SYNE3: variants seen among roughly 807,000 people sequenced by gnomAD.
SYNE3 encodes spectrin repeat containing nuclear envelope family member 3.
SYNE3 carries 100 observed loss-of-function variants against 111.2 expected under a neutral mutation model. The ratio of observed to expected loss-of-function variants is 0.90; its 90% CI spans 0.77 to 1.06. The LOEUF is 1.06. Ranked by LOEUF, SYNE3 falls within the 50% of genes least tolerant of loss-of-function variation. SYNE3 has a pLI of 0.00. For synonymous variants in SYNE3, 547 were observed against 533.9 expected, an observed-to-expected ratio of 1.02 and a Z score of -0.34; for missense variants, 1,160 against 1,240.3, an observed-to-expected ratio of 0.94 and a Z score of 0.97.
In SYNE3 at chr14:95,417,502, G is replaced by A; in HGVS notation, c.*324C>T. On this transcript the variant is annotated 3_prime_UTR_variant, in exon 18 of 18. Transcript: ENST00000682763. ...TCAACAATACCACAAAATCCCATTG[G>A]AGGGAGCCATTGCTAGGAATTTTCC... 1 of 364,476 alleles carries A rather than the reference G, an allele frequency of 2.7e-6. No individual in the cohort carries two copies. Among genetic ancestry groups the A allele is most frequent in the East Asian group, 5.5e-5 (1 of 18,130 alleles). The allele number at this position is 364,476 out of a possible 1,614,324, so 22.6% of individuals were successfully genotyped here. A position where few individuals can be genotyped will look rare whatever the true frequency, so the allele number is the denominator to read the frequency against.
intron 14 of SYNE3, among the ~76,000 whole-genome samples, chr14:95,437,288 G>A (rs945767005): frequency 6.6e-6 from 1 of 152,178 alleles, no homozygotes; most frequent in Non-Finnish European, 1.5e-5. Context: ...CTCCATGACC[G>A]GAGTGCTCTG....
chr14:95,464,288 C>A (rs377614264), intron 4 of SYNE3, among the ~76,000 whole-genome samples: 7 of 152,108 alleles, frequency 4.6e-5, no homozygotes, highest in African/African-American at 1.7e-4. Flanking sequence ...GGGAAACCAC[C>A]CTGTTAAGCT....
chr14:95,424,832 C>T (rs982185253), intron 17 of SYNE3, among the ~76,000 whole-genome samples: 20 of 152,064 alleles, frequency 1.3e-4, no homozygotes, highest in Admixed American at 1.3e-3. Flanking sequence ...AGAGATGTGG[C>T]AATAAATGCA....
chr14:95,431,516 C>T (rs1053255011), intron 17 of SYNE3, among the ~76,000 whole-genome samples: 1 of 152,160 alleles, frequency 6.6e-6, no homozygotes, highest in East Asian at 1.9e-4. Context: ...TCATTGTTGT[C>T]GTTATTACTG....
chr14:95,432,579 G>A (rs1885841241), intron 16 of SYNE3, among the ~76,000 whole-genome samples: 1 of 151,956 alleles, frequency 6.6e-6, no homozygotes, highest in African/African-American at 2.4e-5. Flanking sequence ...CTCCTTTAAA[G>A]GGCTGTTATA....
intron 17 of SYNE3, among the ~76,000 whole-genome samples, chr14:95,427,092 C>G (rs1285949981): frequency 7.2e-5 from 11 of 151,788 alleles, no homozygotes; most frequent in Admixed American, 7.2e-4. Context: ...CTAGGAAAAA[C>G]CAGGCCATAC....
intron 1 of SYNE3, among the ~76,000 whole-genome samples, chr14:95,499,403 G>A (rs944983809): frequency 2.6e-5 from 4 of 151,974 alleles, no homozygotes; most frequent in African/African-American, 9.7e-5. Flanking sequence ...TCCTCTACTT[G>A]CAGTAGGAAC....
rs1450916288 is a variant in SYNE3 at position 95,410,441 on chromosome 14, A to C, written c.*7385T>G. 1 of 152,258 alleles carries C rather than the reference A, an allele frequency of 6.6e-6. No individual in the cohort carries two copies. Among genetic ancestry groups the C allele is most frequent in the Non-Finnish European group, 1.5e-5 (1 of 68,040 alleles). The allele number at this position is 152,258 out of a possible 1,614,324, so 9.4% of individuals were successfully genotyped here. A position where few individuals can be genotyped will look rare whatever the true frequency, so the allele number is the denominator to read the frequency against. On this transcript the variant is annotated 3_prime_UTR_variant, in exon 18 of 18. Coordinates refer to ENST00000682763, the MANE Select transcript of SYNE3 (RefSeq NM_152592.6). ...AGATGTGGGGGAAAACATGTGACACAGTCCTGGCCAATGAGATGAGAACGG... is the reference window on the plus strand; with the variant it reads ...AGATGTGGGGGAAAACATGTGACACCGTCCTGGCCAATGAGATGAGAACGG...
chr14:95,448,130 T>C (rs889781188), intron 8 of SYNE3, among the ~76,000 whole-genome samples: 1 of 152,232 alleles, frequency 6.6e-6, no homozygotes, highest in Non-Finnish European at 1.5e-5. Flanking sequence ...TAGAACTTGA[T>C]CCCAAATACA....
Position 95,443,142 on chromosome 14 carries a change from G to T in SYNE3, c.1911+13C>A. ...TCTCTGTCAAAGCACAGGCCCTTCT[G>T]CCAGCCCCTTACCTCCAGAGACCTC... On this transcript the variant is annotated intron_variant, in intron 11 of 17. Transcript: ENST00000682763. 1 of 1,613,592 alleles carries T rather than the reference G, an allele frequency of 6.2e-7. No individual in the cohort carries two copies. Among genetic ancestry groups the T allele is most frequent in the Non-Finnish European group, 8.5e-7 (1 of 1,179,784 alleles).
chr14:95,466,865 T>G (rs1234047065), intron 3 of SYNE3, among the ~76,000 whole-genome samples: 1 of 152,218 alleles, frequency 6.6e-6, no homozygotes, highest in Non-Finnish European at 1.5e-5. Context: ...CCCTTCCCCA[T>G]GGCTGGGGTG....
intron 10 of SYNE3, chr14:95,443,991 G>C (rs985926185): frequency 1.3e-5 from 2 of 157,448 alleles, no homozygotes; most frequent in Non-Finnish European, 2.8e-5. Context: ...ATGTCTTCTA[G>C]AGAACACTCT....
At position 95,475,739 on chromosome 14, in the gene SYNE3, T is replaced by G. The variant is rs768401669; in HGVS notation, c.83A>C (p.Gln28Pro). ...AWMKAVQDQL[Q>P]VNDNTQGPRA... ...GGGTCCCTGCGTGTTGTCATTGACC[T>G]GCAGCTGGTCCTGCACAGCCTTCAT... The change falls in exon 2 of 18, where the codon CAG becomes CCG. Residue 28 changes from glutamine to proline, a missense_variant. Physicochemically the swap from Gln to Pro is moderately conservative, Grantham distance 76. Transcript: ENST00000682763. 17 of 1,607,752 alleles carry G rather than the reference T, an allele frequency of 1.1e-5. No homozygotes were observed. Among genetic ancestry groups the G allele is most frequent in the Non-Finnish European group, 1.4e-5 (17 of 1,177,566 alleles).
intron 1 of SYNE3, among the ~76,000 whole-genome samples, chr14:95,508,220 C>G (rs879508506): frequency 2.0e-5 from 3 of 152,228 alleles, no homozygotes; most frequent in Admixed American, 2.0e-4. Context: ...AACATCAGAG[C>G]ATCCTTCATT....
At chr14:95,482,039 C>T (rs1595245392) in intron 1 of SYNE3, among the ~76,000 whole-genome samples, 1 of 152,250 alleles carries the variant, frequency 6.6e-6, no homozygotes. Flanking sequence ...GGGTGGGGCC[C>T]CTACTTGGCT....
chr14:95,425,124 T>C (rs11846684), intron 17 of SYNE3, among the ~76,000 whole-genome samples: 18,949 of 152,076 alleles, frequency 0.12, 1,241 homozygotes, highest in Non-Finnish European at 0.15. Context: ...TGGGCACCTG[T>C]AATTCCAGCT....
rs1015778684 is a variant in SYNE3 at position 95,416,045 on chromosome 14, G to C, written c.*1781C>G. On this transcript the variant is annotated 3_prime_UTR_variant, in exon 18 of 18. Transcript: ENST00000682763. ...ATAATAACTCAGAGCCAGGCTTGTG[G>C]ATGGAAATATAGTGCCCAAGTCACA... 6.6e-6 allele frequency: 1 copy of C among 152,120 alleles called. No individual in the cohort carries two copies. The highest frequency in any genetic ancestry group is 1.5e-5 in the Non-Finnish European group (1 of 68,028). 9.4% of individuals were successfully genotyped at this position (152,120 alleles called of 1,614,324 possible).
At chr14:95,456,954 G>A (rs1457884358) in intron 5 of SYNE3, among the ~76,000 whole-genome samples, 4 of 151,922 alleles carry the variant, frequency 2.6e-5, no homozygotes, top group South Asian at 2.1e-4. Flanking sequence ...GCATGGTGGC[G>A]GGTGCCTGTA....
chr14:95,411,021 C>A lies in SYNE3; in HGVS notation c.*6805G>T, dbSNP rs1903421517. 6.6e-6 allele frequency: 1 copy of A among 152,316 alleles called. No individual in the cohort carries two copies. The highest frequency in any genetic ancestry group is 2.1e-4 in the South Asian group (1 of 4,822). 9.4% of individuals were successfully genotyped at this position (152,316 alleles called of 1,614,324 possible). On this transcript the variant is annotated 3_prime_UTR_variant, in exon 18 of 18. Transcript: ENST00000682763. ...GACCGACCCCCACTCCTGGAACTAA[C>A]TCCCTGAGCTCACTGGCCAAACAAG...
Sources: allele counts gnomAD v4.1 joint callset (sites outside exome capture counted in the v4.1 genomes callset), GRCh38; gene constraint gnomAD v4.1.1; transcripts MANE v1.5; gene names NCBI Gene and HGNC (gene_info 2026-07-23, HGNC 2026-07-21).